RAB31: variants seen among roughly 807,000 people sequenced by gnomAD.
RAB31 encodes the protein ras-related protein Rab-31.
A neutral mutation model predicts 25.6 loss-of-function variants in RAB31; 21 were observed. The ratio of observed to expected loss-of-function variants is 0.82; its 90% confidence interval spans 0.58 to 1.18. The LOEUF (loss-of-function observed/expected upper bound fraction) is 1.18. Ranked by LOEUF, RAB31 falls within the 50% of genes most tolerant of loss-of-function variation. RAB31 has a pLI of 0.00. For synonymous variants in RAB31, 87 were observed against 84.0 expected, an observed-to-expected ratio of 1.04 and a Z score of -0.20; for missense variants, 196 against 250.1, an observed-to-expected ratio of 0.78 and a Z score of 1.46.
intron 3 of RAB31, among the ~76,000 whole-genome samples, chr18:9,811,689 T>C (rs1364023875): frequency 2.6e-5 from 4 of 152,224 alleles, no homozygotes; most frequent in Non-Finnish European, 5.9e-5. Context: ...AGGAACCTCG[T>C]GTTATTCCTG....
chr18:9,776,230 C>T (rs1420317184), intron 2 of RAB31, among the ~76,000 whole-genome samples: 10 of 152,202 alleles, frequency 6.6e-5, no homozygotes, highest in South Asian at 2.1e-4. Context: ...TCCTTGGCCG[C>T]GTGTGCTTTG....
rs116613974 is a variant in RAB31, at chr18:9,836,195, G to T, written c.381-9387G>T. ...TGACCTTGGAAGGGGGCTGTGGCTC[G>T]GGGAGAGAGTAAAAATATAATGCAA... is the stretch of plus-strand genomic sequence containing the variant. On this transcript the variant is annotated intron_variant, in intron 5 of 6. Coordinates refer to ENST00000578921, the MANE Select transcript of RAB31 (RefSeq NM_006868.4). Among the ~76,000 whole-genome samples the T allele has an allele frequency of 4.9e-3, 738 of 152,038 alleles. 5 individuals are homozygous for T. Among genetic ancestry groups the T allele is most frequent in the African/African-American group, 0.017 (709 of 41,422 alleles).
In RAB31 at chr18:9,823,100, A is replaced by T. The variant is rs533040455; in HGVS notation, c.380+7878A>T. On this transcript the variant is annotated intron_variant, in intron 5 of 6. Coordinates refer to ENST00000578921, the MANE Select transcript of RAB31 (RefSeq NM_006868.4). ...AGCACTAAAAGGAGGCAAACTGCTGATACACACAGCTCGAAATGCATCTTC... is the reference window on the plus strand; with the variant it reads ...AGCACTAAAAGGAGGCAAACTGCTGTTACACACAGCTCGAAATGCATCTTC... Among the ~76,000 whole-genome samples the T allele has an allele frequency of 6.6e-5, 10 of 152,340 alleles. No homozygotes were observed. The South Asian group carries it at 2.1e-3, about 32-fold the overall frequency.
intron 1 of RAB31, among the ~76,000 whole-genome samples, chr18:9,715,528 C>CTT (rs1161797158): frequency 9.6e-4 from 123 of 128,176 alleles, no homozygotes; most frequent in Non-Finnish European, 1.3e-3. Context: ...CTCTCTCTCT[C>CTT]TTTTTTTTTT....
chr18:9,757,619 AC>A (rs1371800861), intron 1 of RAB31, among the ~76,000 whole-genome samples: 1 of 152,026 alleles, frequency 6.6e-6, no homozygotes, highest in African/African-American at 2.4e-5. Context: ...ATGATCCAGG[AC>A]ACCGCATGCT....
intron 1 of RAB31, among the ~76,000 whole-genome samples, chr18:9,713,620 G>A (rs2068028934): frequency 6.6e-6 from 1 of 152,152 alleles, no homozygotes; most frequent in African/African-American, 2.4e-5. Flanking sequence ...TGCATCTCTG[G>A]AGTGTGTATC....
At chr18:9,709,636 C>T (rs904495899) in intron 1 of RAB31, among the ~76,000 whole-genome samples, 1 of 152,202 alleles carries the variant, frequency 6.6e-6, no homozygotes, top group Non-Finnish European at 1.5e-5. Flanking sequence ...CCATCCCTTA[C>T]GCTAACTCGA....
chr18:9,832,379 G>A (rs1278550051), intron 5 of RAB31, among the ~76,000 whole-genome samples: 1 of 152,194 alleles, frequency 6.6e-6, no homozygotes, highest in Non-Finnish European at 1.5e-5. Flanking sequence ...GAACATCCTG[G>A]AATGACCGAT....
intron 2 of RAB31, among the ~76,000 whole-genome samples, chr18:9,786,163 A>G (rs937780539): frequency 7.5e-6 from 1 of 132,976 alleles, no homozygotes; most frequent in East Asian, 4.3e-4. Context: ...AGAAGGAAAG[A>G]AAAGAAAAGG....
chr18:9,799,497 TTTTA>T (rs1248314648), intron 3 of RAB31, among the ~76,000 whole-genome samples: 1 of 152,144 alleles, frequency 6.6e-6, no homozygotes, highest in Non-Finnish European at 1.5e-5. Context: ...TTCTATTTAT[TTTTA>T]TTTATTTATT....
chr18:9,732,270 G>A (rs1266732633), intron 1 of RAB31, among the ~76,000 whole-genome samples: 16 of 152,018 alleles, frequency 1.1e-4, no homozygotes, highest in African/African-American at 1.9e-4. Context: ...GCCGGTCACC[G>A]GATGAGGCTG....
intron 1 of RAB31, among the ~76,000 whole-genome samples, chr18:9,774,312 C>T (rs1891849974): frequency 6.6e-6 from 1 of 152,144 alleles, no homozygotes; most frequent in Admixed American, 6.5e-5. Context: ...CCAAGCCCAG[C>T]TCCGTCCGAT....
chr18:9,857,073 G>C (rs893358420), intron 6 of RAB31, among the ~76,000 whole-genome samples: 1 of 152,194 alleles, frequency 6.6e-6, no homozygotes, highest in African/African-American at 2.4e-5. Flanking sequence ...TGAAGTTTTT[G>C]GAGATGTCCT....
At chr18:9,845,880 A>G (rs1355026302) in intron 6 of RAB31, among the ~76,000 whole-genome samples, 189 bp downstream of exon 6, 1 of 152,224 alleles carries the variant, frequency 6.6e-6, no homozygotes, top group Non-Finnish European at 1.5e-5. Flanking sequence ...CTAGATTTCC[A>G]TGATTCTGTA....
At chr18:9,711,704 T>C (rs181559078) in intron 1 of RAB31, among the ~76,000 whole-genome samples, 1 of 152,368 alleles carries the variant, frequency 6.6e-6, no homozygotes, top group Admixed American at 6.5e-5. Flanking sequence ...TTTTTAGCCA[T>C]GAGACACCTC....
chr18:9,852,585 T>C (rs2068794480), intron 6 of RAB31, among the ~76,000 whole-genome samples: 1 of 151,178 alleles, frequency 6.6e-6, no homozygotes, highest in Non-Finnish European at 1.5e-5. Context: ...TGGATTTTGC[T>C]GAGTTCCTTT....
intron 1 of RAB31, among the ~76,000 whole-genome samples, chr18:9,747,919 A>G (rs1489304796): frequency 6.6e-6 from 1 of 152,236 alleles, no homozygotes; most frequent in Non-Finnish European, 1.5e-5. Context: ...CCTAGTAGGA[A>G]GAGGGTTTAG....
intron 5 of RAB31, among the ~76,000 whole-genome samples, chr18:9,837,290 T>C (rs946803527): frequency 6.6e-6 from 1 of 152,062 alleles, no homozygotes; most frequent in African/African-American, 2.4e-5. Flanking sequence ...AGTGGTGGAA[T>C]AAATAAGAGA....
At chr18:9,750,878 C>T (rs1276911929) in intron 1 of RAB31, among the ~76,000 whole-genome samples, 3 of 152,024 alleles carry the variant, frequency 2.0e-5, no homozygotes, top group Admixed American at 6.6e-5. Context: ...AACTGGGTGT[C>T]GGGGGAGTGG....
Sources: allele counts gnomAD v4.1 joint callset (sites outside exome capture counted in the v4.1 genomes callset), GRCh38; gene constraint gnomAD v4.1.1; transcripts MANE v1.5; gene names NCBI Gene and HGNC (gene_info 2026-07-23, HGNC 2026-07-21).